Variants in STAG2 observed in about 807,000 individuals in gnomAD.
STAG2 encodes cohesin subunit SA-2.
STAG2 carries 14 observed loss-of-function variants against 108.1 expected under a neutral mutation model. The observed-to-expected ratio is 0.13, with a 90% CI of 0.09 to 0.20. The LOEUF is 0.20. Ranked by LOEUF, STAG2 falls within the 10% of genes least tolerant of loss-of-function variation. The pLI, the probability that STAG2 is intolerant of heterozygous loss-of-function variation, is 1.00. For missense variants in STAG2, 440 were observed against 940.9 expected, an observed-to-expected ratio of 0.47 and a Z score of 6.96; for synonymous variants, 307 against 302.7, an observed-to-expected ratio of 1.01 and a Z score of -0.15.
chrX:123,996,642 T>A (rs1223231046), intron 1 of STAG2, among the ~76,000 whole-genome samples: 2 of 112,094 alleles, frequency 1.8e-5, no homozygotes, highest in Admixed American at 1.9e-4. Flanking sequence ...CATGGAGTCA[T>A]ATAGTAAGTA....
chrX:123,988,178 G>T (rs762692311), intron 1 of STAG2, among the ~76,000 whole-genome samples: 15 of 111,552 alleles, frequency 1.3e-4, no homozygotes, highest in Non-Finnish European at 2.4e-4. Flanking sequence ...AACAGTCAGG[G>T]GTTCCACCTA....
chrX:124,018,533 C>T (rs936415503), intron 1 of STAG2, among the ~76,000 whole-genome samples: 6 of 110,810 alleles, frequency 5.4e-5, no homozygotes, highest in African/African-American at 2.0e-4. Context: ...CAGAGTCTTA[C>T]CCCATTGCCC....
intron 1 of STAG2, among the ~76,000 whole-genome samples, chrX:124,000,232 G>A (rs1176616115): frequency 5.4e-5 from 6 of 111,565 alleles, no homozygotes; most frequent in Admixed American, 2.9e-4. Flanking sequence ...TGTTTGTGGG[G>A]ATGCTGGTGT....
chrX:124,063,053 C>T, intron 18 of STAG2, 59 bp downstream of exon 18: 1 of 1,168,703 alleles, frequency 8.6e-7, no homozygotes, highest in Non-Finnish European at 1.2e-6. Flanking sequence ...CCCTAAATGC[C>T]TCACAGAATA....
intron 3 of STAG2, among the ~76,000 whole-genome samples, chrX:124,025,609 G>A (rs916691530): frequency 4.5e-5 from 5 of 111,333 alleles, no homozygotes; most frequent in African/African-American, 6.5e-5. Context: ...TAACAAAAAT[G>A]TTTAGGTATT....
At chrX:124,067,765 C>G (rs984830219) in intron 23 of STAG2, among the ~76,000 whole-genome samples, 8 of 111,660 alleles carry the variant, frequency 7.2e-5, no homozygotes, top group Admixed American at 6.6e-4. Context: ...GGCACAGTGG[C>G]TCACGCCTGT....
chrX:124,056,754 A>AG (rs2058216377), intron 14 of STAG2, among the ~76,000 whole-genome samples: 1 of 106,467 alleles, frequency 9.4e-6, no homozygotes, highest in South Asian at 4.1e-4. Context: ...AAAAAAAAAA[A>AG]GGGAAATGTA....
intron 4 of STAG2, among the ~76,000 whole-genome samples, chrX:124,029,013 ATT>A (rs1491394648): frequency 1.1e-5 from 1 of 91,452 alleles, no homozygotes; most frequent in African/African-American, 4.2e-5. Context: ...ATATATATAT[ATT>A]TATTTATTTA....
In STAG2 at chrX:124,064,128, T is replaced by G. The variant is rs148569048; in HGVS notation, c.2025+77T>G. ...AGTAAGCTAATTAGTCACCCAAGTG[T>G]TAAGTCTTGGTGATAGTCCCTAGCA... On this transcript the variant is annotated intron_variant, in intron 20 of 34. Transcript: ENST00000371145. The G allele has an allele frequency of 1.6e-3, 1,202 of 767,921 alleles. 8 individuals carry two copies. In the African/African-American group the frequency reaches 0.022, roughly 14 times the overall value. 63.3% of individuals were successfully genotyped at this position (767,921 alleles called of 1,213,427 possible).
intron 1 of STAG2, among the ~76,000 whole-genome samples, chrX:123,979,062 A>G (rs2054756037): frequency 9.0e-6 from 1 of 111,403 alleles, no homozygotes; most frequent in Admixed American, 9.6e-5. Flanking sequence ...TATTATACCC[A>G]TTTTATGGAT....
intron 1 of STAG2, among the ~76,000 whole-genome samples, chrX:123,976,069 T>C (rs1051179613): frequency 1.8e-5 from 2 of 111,159 alleles, no homozygotes; most frequent in African/African-American, 6.6e-5. Flanking sequence ...AGCCCAGGAG[T>C]TCCAGACCGG....
intron 5 of STAG2, among the ~76,000 whole-genome samples, chrX:124,036,618 TC>T (rs1455961029): frequency 2.0e-4 from 22 of 111,319 alleles, no homozygotes; most frequent in African/African-American, 6.9e-4. Flanking sequence ...CCTCAAGTGA[TC>T]CGCTGGCTTC....
chrX:123,977,481 G>A (rs919626855), intron 1 of STAG2, among the ~76,000 whole-genome samples: 1 of 110,304 alleles, frequency 9.1e-6, no homozygotes, highest in African/African-American at 3.3e-5. Flanking sequence ...TACAGTTTCT[G>A]TAGTTCTTCA....
chrX:124,090,453 TC>T, intron 30 of STAG2, 121 bp from the exon 31 acceptor site: 1 of 580,129 alleles, frequency 1.7e-6, no homozygotes, highest in Non-Finnish European at 2.8e-6. Context: ...TAGGTTTGTG[TC>T]CCCCGTTCCT....
chrX:123,996,996 G>T (rs1197281473), intron 1 of STAG2, among the ~76,000 whole-genome samples: 1 of 112,405 alleles, frequency 8.9e-6, no homozygotes, highest in Non-Finnish European at 1.9e-5. Flanking sequence ...TTGTTGAAAA[G>T]ACTATCTTTC....
intron 1 of STAG2, among the ~76,000 whole-genome samples, chrX:124,014,663 TC>T (rs1213627266): frequency 9.0e-6 from 1 of 111,255 alleles, no homozygotes; most frequent in Non-Finnish European, 1.9e-5. Flanking sequence ...ACCCGGCCTG[TC>T]CTTTATATTA....
intron 4 of STAG2, 103 bp downstream of exon 4, chrX:124,026,021 A>T: frequency 1.7e-6 from 1 of 580,370 alleles, no homozygotes; most frequent in Non-Finnish European, 2.7e-6. Flanking sequence ...ATGGCTTTTT[A>T]AGGGGGTGGG....
chrX:124,035,648 T>C (rs1400483600), intron 5 of STAG2, among the ~76,000 whole-genome samples: 2 of 112,399 alleles, frequency 1.8e-5, no homozygotes, highest in African/African-American at 3.2e-5. Flanking sequence ...AGTTAGGGAC[T>C]ATAATCATTT....
chrX:124,022,758 G>T, intron 3 of STAG2, 87 bp downstream of exon 3: 1 of 606,153 alleles, frequency 1.6e-6, no homozygotes, highest in East Asian at 3.9e-5. Context: ...ATTTCCTTCT[G>T]CTCGAGAAGA....
Sources: allele counts gnomAD v4.1 joint callset (sites outside exome capture counted in the v4.1 genomes callset), GRCh38; gene constraint gnomAD v4.1.1; transcripts MANE v1.5; gene names NCBI Gene and HGNC (gene_info 2026-07-23, HGNC 2026-07-21).